CDK17: variants seen among roughly 807,000 people sequenced by gnomAD.
CDK17 encodes the protein cyclin dependent kinase 17, also known as cyclin-dependent kinase 17.
In CDK17, 24 loss-of-function variants were observed where a neutral mutation model predicts 77.6. The observed-to-expected ratio is 0.31, with a 90% CI of 0.22 to 0.44. The LOEUF (loss-of-function observed/expected upper bound fraction) is 0.44. Among genes scored for constraint, CDK17 ranks in the 20% least tolerant of loss-of-function variants. The pLI, the probability that CDK17 is intolerant of heterozygous loss-of-function variation, is 1.00. For missense variants in CDK17, 429 were observed against 622.5 expected (o/e 0.69, Z 3.31); for synonymous variants, 203 against 210.4 (o/e 0.96, Z 0.30).
chr12:96,283,680 T>G (rs764536227), intron 13 of CDK17, 35 bp from the exon 14 acceptor site: 4 of 1,410,904 alleles, frequency 2.8e-6, no homozygotes, highest in Non-Finnish European at 4.0e-6. Flanking sequence ...AAATTTATGC[T>G]CTCTTAGCTG....
intron 1 of CDK17, among the ~76,000 whole-genome samples, chr12:96,385,761 C>G (rs1953962996): frequency 6.6e-6 from 1 of 152,094 alleles, no homozygotes; most frequent in Admixed American, 6.5e-5. Flanking sequence ...TATGATTATA[C>G]ATTCTCACAT....
intron 1 of CDK17, among the ~76,000 whole-genome samples, chr12:96,388,239 GGAAAATGGTTCAAA>G (rs1954009333): frequency 6.6e-6 from 1 of 152,138 alleles, no homozygotes; most frequent in South Asian, 2.1e-4. Flanking sequence ...AACAGAACAG[GGAAAATGGTTCAAA>G]GAAATATTTG....
chr12:96,278,792 T>A lies in CDK17; in HGVS notation c.*1450A>T, dbSNP rs1952137072. ...CCAGAATTTTTTAAAATTAAAATTT[T>A]AGTATCGTGAAATATTAAAATAACA... On this transcript the variant is annotated 3_prime_UTR_variant, in exon 17 of 17. Coordinates refer to ENST00000261211, the MANE Select transcript of CDK17 (RefSeq NM_002595.5). 6.6e-6 allele frequency: 1 copy of A among 152,540 alleles called. No homozygotes were observed. Among genetic ancestry groups the A allele is most frequent in the South Asian group, 2.1e-4 (1 of 4,836 alleles). 9.4% of individuals were successfully genotyped at this position (152,540 alleles called of 1,614,324 possible).
intron 5 of CDK17, 29 bp downstream of exon 5, chr12:96,311,023 G>C: frequency 6.4e-7 from 1 of 1,573,982 alleles, no homozygotes; most frequent in Non-Finnish European, 8.6e-7. Flanking sequence ...TCTGATTGAT[G>C]GTGGAGGTAT....
intron 1 of CDK17, among the ~76,000 whole-genome samples, chr12:96,375,824 T>C (rs1249441944): frequency 1.3e-5 from 2 of 151,998 alleles, no homozygotes; most frequent in African/African-American, 4.8e-5. Flanking sequence ...GGTATTACAG[T>C]GATCCTGACC....
At chr12:96,371,732 C>CA (rs1221118163) in intron 1 of CDK17, among the ~76,000 whole-genome samples, 4 of 151,236 alleles carry the variant, frequency 2.6e-5, no homozygotes, top group East Asian at 1.9e-4. Context: ...AACTCCATCT[C>CA]AAAAAAAATA....
intron 10 of CDK17, among the ~76,000 whole-genome samples, chr12:96,293,682 G>T (rs1045417933): frequency 2.0e-5 from 3 of 152,060 alleles, no homozygotes; most frequent in Non-Finnish European, 4.4e-5. Flanking sequence ...ACTTTAAATG[G>T]GTCTTTTATC....
At chr12:96,392,167 A>ATAGTTATGGT (rs1954080371) in intron 1 of CDK17, among the ~76,000 whole-genome samples, 1 of 152,258 alleles carries the variant, frequency 6.6e-6, no homozygotes, top group African/African-American at 2.4e-5. Flanking sequence ...ACTATATAGC[A>ATAGTTATGGT]GAACCACCAT....
At chr12:96,295,311 T>C (rs1309442502) in intron 9 of CDK17, 189 bp from the exon 10 acceptor site, 2 of 404,324 alleles carry the variant, frequency 4.9e-6, no homozygotes, top group South Asian at 6.1e-5. Context: ...TAGTTTATTA[T>C]TCTATTTGAA....
chr12:96,297,152 T>C (rs560910216), intron 9 of CDK17, 118 bp downstream of exon 9: 2 of 591,026 alleles, frequency 3.4e-6, no homozygotes, highest in African/African-American at 1.9e-5. Context: ...CAATAACCTA[T>C]TTAAAAGGCC....
intron 10 of CDK17, 50 bp downstream of exon 10, chr12:96,294,949 T>C (rs754353976): frequency 2.7e-6 from 4 of 1,506,060 alleles, no homozygotes; most frequent in Non-Finnish European, 2.7e-6. Flanking sequence ...CTTTTAACCA[T>C]TACACTTTAG....
At chr12:96,292,415 G>C (rs931258220) in intron 10 of CDK17, among the ~76,000 whole-genome samples, 1 of 152,120 alleles carries the variant, frequency 6.6e-6, no homozygotes, top group East Asian at 1.9e-4. Flanking sequence ...AGACCAGCCT[G>C]AACAACATGG....
intron 1 of CDK17, among the ~76,000 whole-genome samples, chr12:96,381,584 T>C (rs59634654): frequency 2.0e-5 from 3 of 152,084 alleles, no homozygotes; most frequent in Non-Finnish European, 2.9e-5. Context: ...CTACTGTCCA[T>C]AGATCTACAT....
chr12:96,297,533 G>A (rs1461170438), intron 8 of CDK17, 94 bp downstream of exon 8: 5 of 902,570 alleles, frequency 5.5e-6, no homozygotes, highest in Non-Finnish European at 8.9e-6. Context: ...AAGCACAGCT[G>A]CAGTTTAAAG....
At chr12:96,374,858 G>A (rs1302543202) in intron 1 of CDK17, among the ~76,000 whole-genome samples, 8 of 152,162 alleles carry the variant, frequency 5.3e-5, no homozygotes, top group Admixed American at 5.2e-4. Flanking sequence ...CATATACTTG[G>A]ATCTACTGTA....
intron 1 of CDK17, 54 bp from the exon 2 acceptor site, chr12:96,334,919 G>T: frequency 2.7e-6 from 2 of 744,516 alleles, no homozygotes; most frequent in Non-Finnish European, 4.7e-6. Context: ...TACCACTGAA[G>T]AAAAATACCG....
chr12:96,293,266 C>A (rs1013475908), intron 10 of CDK17, among the ~76,000 whole-genome samples: 1 of 151,948 alleles, frequency 6.6e-6, no homozygotes, highest in African/African-American at 2.4e-5. Flanking sequence ...CTTAAACTCC[C>A]GGCTTCAAGT....
intron 1 of CDK17, among the ~76,000 whole-genome samples, chr12:96,395,435 G>A (rs936676008): frequency 2.0e-5 from 3 of 152,142 alleles, no homozygotes; most frequent in Non-Finnish European, 4.4e-5. Context: ...GAATGTCAAT[G>A]TTACCACAGA....
chr12:96,294,584 C>CAAA (rs11313631), intron 10 of CDK17, among the ~76,000 whole-genome samples: 4 of 54,342 alleles, frequency 7.4e-5, no homozygotes, highest in East Asian at 6.0e-4. Flanking sequence ...ATGCTGTCTT[C>CAAA]AAAAAAAAAA....
Sources: allele counts gnomAD v4.1 joint callset (sites outside exome capture counted in the v4.1 genomes callset), GRCh38; gene constraint gnomAD v4.1.1; transcripts MANE v1.5; gene names NCBI Gene and HGNC (gene_info 2026-07-23, HGNC 2026-07-21).